ANO10: variants seen among roughly 807,000 people sequenced by gnomAD.
ANO10 encodes anoctamin-10.
A neutral mutation model predicts 74.7 loss-of-function variants in ANO10; 77 were observed. The ratio of observed to expected loss-of-function variants is 1.03; its 90% CI spans 0.86 to 1.25. The LOEUF is 1.25. Ranked by LOEUF, ANO10 falls within the 50% of genes most tolerant of loss-of-function variation. The probability of loss-of-function intolerance (pLI) is 0.00; values close to 1 mark genes in which losing one functional copy is unlikely to be tolerated. For synonymous variants in ANO10, 279 were observed against 284.9 expected, an observed-to-expected ratio of 0.98 and a Z score of 0.21; for missense variants, 721 against 778.1, an observed-to-expected ratio of 0.93 and a Z score of 0.87.
At chr3:43,505,467 T>C (rs1439593879) in intron 11 of ANO10, among the ~76,000 whole-genome samples, 2 of 152,228 alleles carry the variant, frequency 1.3e-5, no homozygotes, top group Non-Finnish European at 1.5e-5. Context: ...TGTCATCATC[T>C]ACATGGGTTT....
At chr3:43,558,969 G>T (rs1023260171) in intron 9 of ANO10, among the ~76,000 whole-genome samples, 2 of 152,198 alleles carry the variant, frequency 1.3e-5, no homozygotes, top group African/African-American at 4.8e-5. Flanking sequence ...GCCTGAGAGA[G>T]AAATCAATAT....
chr3:43,677,005 G>T (rs2084131452), intron 1 of ANO10, among the ~76,000 whole-genome samples: 1 of 152,098 alleles, frequency 6.6e-6, no homozygotes, highest in African/African-American at 2.4e-5. Context: ...TTGAAACTAT[G>T]ATTTACGTTC....
chr3:43,372,340 C>T (rs752754188), intron 12 of ANO10, among the ~76,000 whole-genome samples: 2 of 152,150 alleles, frequency 1.3e-5, no homozygotes, highest in Non-Finnish European at 2.9e-5. Flanking sequence ...TGAGACGGCA[C>T]CCCAGACCAT....
intron 1 of ANO10, among the ~76,000 whole-genome samples, chr3:43,612,778 G>A (rs1341554807): frequency 6.6e-6 from 1 of 152,164 alleles, no homozygotes. Flanking sequence ...ACAGATTCAG[G>A]ATATCTGGCT....
intron 11 of ANO10, among the ~76,000 whole-genome samples, chr3:43,444,084 T>G (rs1301062736): frequency 6.6e-6 from 1 of 152,194 alleles, no homozygotes; most frequent in Non-Finnish European, 1.5e-5. Context: ...ACAAATTAAA[T>G]CATGTGTCTC....
chr3:43,681,768 A>C (rs1318180226), intron 1 of ANO10, among the ~76,000 whole-genome samples: 5 of 151,208 alleles, frequency 3.3e-5, no homozygotes, highest in African/African-American at 9.8e-5. Flanking sequence ...ACTCAGGATT[A>C]AGAAACTCAC....
intron 11 of ANO10, among the ~76,000 whole-genome samples, chr3:43,524,548 G>A (rs2078106915): frequency 6.6e-6 from 1 of 152,158 alleles, no homozygotes; most frequent in Non-Finnish European, 1.5e-5. Flanking sequence ...CAATGATTAT[G>A]TGTTGCACAG....
At chr3:43,554,245 G>A (rs559283853) in intron 10 of ANO10, among the ~76,000 whole-genome samples, 3 of 150,184 alleles carry the variant, frequency 2.0e-5, no homozygotes, top group East Asian at 3.9e-4. Context: ...CCAGGCTGGA[G>A]TGTAATGATA....
At chr3:43,650,423 G>A (rs771477026) in intron 1 of ANO10, among the ~76,000 whole-genome samples, 9 of 152,170 alleles carry the variant, frequency 5.9e-5, no homozygotes, top group Non-Finnish European at 1.3e-4. Context: ...AAATGATCAA[G>A]GATATCAAGT....
At chr3:43,439,290 T>A (rs1035720962) in intron 11 of ANO10, among the ~76,000 whole-genome samples, 3 of 151,374 alleles carry the variant, frequency 2.0e-5, no homozygotes, top group African/African-American at 7.3e-5. Flanking sequence ...GGAAAAATCA[T>A]CCTTCAAAAA....
At chr3:43,556,455 T>G (rs531323541) in intron 9 of ANO10, among the ~76,000 whole-genome samples, 1 of 152,068 alleles carries the variant, frequency 6.6e-6, no homozygotes, top group East Asian at 1.9e-4. Flanking sequence ...ACTCTGTGTT[T>G]CCCCACACTC....
At chr3:43,584,608 C>T (rs1481634787) in intron 4 of ANO10, among the ~76,000 whole-genome samples, 11 of 152,132 alleles carry the variant, frequency 7.2e-5, no homozygotes, top group South Asian at 2.1e-4. Context: ...CTTCAGCTAT[C>T]GGCTCATCCA....
At chr3:43,437,341 C>T (rs2093084403) in intron 11 of ANO10, among the ~76,000 whole-genome samples, 1 of 152,224 alleles carries the variant, frequency 6.6e-6, no homozygotes, top group Non-Finnish European at 1.5e-5. Context: ...AAGGAAAGGA[C>T]TGAGCCAGGG....
At position 43,366,779 on chromosome 3, in the gene ANO10, C is replaced by A. The variant is rs1005722503; in HGVS notation, c.*127G>T. Reference sequence around the variant, plus strand: ...GGTGCTTGCCACATGGGAGCCACTTCGTTTGGCTAAGCATTGGGTCTGGGT... The same window carrying A: ...GGTGCTTGCCACATGGGAGCCACTTAGTTTGGCTAAGCATTGGGTCTGGGT... On this transcript the variant is annotated 3_prime_UTR_variant, in exon 13 of 13. Coordinates refer to ENST00000292246, the MANE Select transcript of ANO10 (RefSeq NM_018075.5). 31 of 972,014 alleles carry A rather than the reference C, an allele frequency of 3.2e-5. No individual in the cohort carries two copies. In the Admixed American group the frequency reaches 4.2e-4, roughly 13 times the overall value. The allele number at this position is 972,014 out of a possible 1,614,324, so 60.2% of individuals were successfully genotyped here.
intron 12 of ANO10, among the ~76,000 whole-genome samples, chr3:43,427,984 C>T (rs376096564): frequency 3.9e-5 from 6 of 151,962 alleles, no homozygotes; most frequent in African/African-American, 1.5e-4. Context: ...TGCAGCAAAG[C>T]CTTGAGTCAG....
At chr3:43,687,360 T>C (rs1351875943) in intron 1 of ANO10, among the ~76,000 whole-genome samples, 1 of 152,194 alleles carries the variant, frequency 6.6e-6, no homozygotes, top group African/African-American at 2.4e-5. Context: ...TTGTAAGTGC[T>C]TGCTTGGCAG....
chr3:43,423,132 A>T (rs1305067641), intron 12 of ANO10, among the ~76,000 whole-genome samples: 2 of 149,968 alleles, frequency 1.3e-5, no homozygotes, highest in Non-Finnish European at 1.5e-5. Context: ...AAAAAAAAAA[A>T]GGATTTGAGC....
intron 11 of ANO10, among the ~76,000 whole-genome samples, chr3:43,532,460 G>A (rs1351877004): frequency 6.6e-6 from 1 of 152,150 alleles, no homozygotes; most frequent in Non-Finnish European, 1.5e-5. Flanking sequence ...TTTCATAAAG[G>A]AGGCTATACA....
intron 11 of ANO10, among the ~76,000 whole-genome samples, chr3:43,439,256 C>A (rs148976316): frequency 0.028 from 4,277 of 151,590 alleles, 85 homozygotes; most frequent in Middle Eastern, 0.075. Context: ...AAAGAAAAAA[C>A]TCCCAACCAA....
Sources: gnomAD v4.1 joint callset for allele counts (sites outside exome capture counted in the v4.1 genomes callset) on GRCh38, gnomAD v4.1.1 for gene constraint, MANE v1.5 for transcripts, NCBI Gene and HGNC (gene_info 2026-07-23, HGNC 2026-07-21) for gene names.